The following KTN1 variants were observed in gnomAD, a reference collection of about 807,000 sequenced individuals.
KTN1 encodes kinectin 1, also known as kinectin.
KTN1 carries 130 observed loss-of-function variants against 222.5 expected under a neutral mutation model. The ratio of observed to expected loss-of-function variants is 0.58; its 90% CI spans 0.51 to 0.68. The LOEUF (loss-of-function observed/expected upper bound fraction) is 0.68. KTN1 is among the 30% of genes least tolerant of loss of function. The probability of loss-of-function intolerance (pLI) is 0.00; values close to 1 mark genes in which losing one functional copy is unlikely to be tolerated. For synonymous variants in KTN1, 512 were observed against 496.3 expected (o/e 1.03, Z -0.42); for missense variants, 1,508 against 1,500.4 (o/e 1.01, Z -0.08).
rs1566773340 is a variant in KTN1, at chr14:55,639,908, T to C, written c.1824-5T>C. On this transcript the variant is annotated splice_region_variant and splice_polypyrimidine_tract_variant and intron_variant, in intron 13 of 43. Transcript: ENST00000395314. ...TTGAATGTACAAATGTCTTTCCTTC[T>C]AAAGGATTGCAGAAAAGGATAAGCA... 2 of 1,559,930 alleles carry C rather than the reference T, an allele frequency of 1.3e-6. No homozygotes were observed.
rs1429303444 is a variant in KTN1 at position 55,655,606 on chromosome 14, TA to T, written c.2802-435del. 7.9e-5 allele frequency among the ~76,000 whole-genome samples: 12 copies of T among 152,298 alleles called. No homozygotes were observed. In the East Asian group the frequency reaches 1.4e-3, roughly 17 times the overall value. On this transcript the variant is annotated intron_variant, in intron 28 of 43. Transcript: ENST00000395314. ...GCAATTGAGATTCACTTGGGCTAGA[TA>T]GAGTAAGATTTACGTCAGCATTGGG...
chr14:55,651,945 C>T lies in KTN1; in HGVS notation c.2603+18C>T, dbSNP rs1294299281. ...CAGAACTTGTAAGTACCATTTATCT[C>T]ATTTCCTTTTACTATTTCTTTTTCA... On this transcript the variant is annotated intron_variant, in intron 25 of 43. Coordinates refer to ENST00000395314, the MANE Select transcript of KTN1 (RefSeq NM_001079521.2). 2 of 1,485,012 alleles carry T rather than the reference C, an allele frequency of 1.3e-6. No homozygotes were observed. The highest frequency in any genetic ancestry group is 2.3e-5 in the East Asian group (1 of 43,998). The allele number at this position is 1,485,012 out of a possible 1,614,324, so 92.0% of individuals were successfully genotyped here. A position where few individuals can be genotyped will look rare whatever the true frequency, so the allele number is the denominator to read the frequency against.
intron 34 of KTN1, among the ~76,000 whole-genome samples, chr14:55,670,080 A>G (rs1265140570): frequency 6.6e-6 from 1 of 152,082 alleles, no homozygotes; most frequent in African/African-American, 2.4e-5. Flanking sequence ...ACTGTAATAC[A>G]TGCATATTTA....
At chr14:55,580,658 A>G (rs2031220450) in intron 1 of KTN1, among the ~76,000 whole-genome samples, 2 of 151,182 alleles carry the variant, frequency 1.3e-5, no homozygotes, top group African/African-American at 4.9e-5. Flanking sequence ...GACACCCCCC[A>G]CCCTCCCCAA....
chr14:55,640,909 A>G (rs1410650952), intron 15 of KTN1, 24 bp from the exon 16 acceptor site: 2 of 1,606,922 alleles, frequency 1.2e-6, no homozygotes, highest in Non-Finnish European at 8.5e-7. Flanking sequence ...AAGTGATATC[A>G]TTTTCTTCTC....
chr14:55,655,330 A>G (rs1363847926), intron 28 of KTN1, among the ~76,000 whole-genome samples: 2 of 152,020 alleles, frequency 1.3e-5, no homozygotes, highest in African/African-American at 4.8e-5. Flanking sequence ...TTCCCTTTTT[A>G]TACATTTATC....
intron 1 of KTN1, among the ~76,000 whole-genome samples, chr14:55,581,436 T>C (rs2031595406): frequency 6.6e-6 from 1 of 152,106 alleles, no homozygotes; most frequent in Non-Finnish European, 1.5e-5. Context: ...TGAAGTTAAC[T>C]GTTAAGGTGT....
intron 2 of KTN1, among the ~76,000 whole-genome samples, chr14:55,614,539 T>G (rs1050434380): frequency 2.3e-4 from 35 of 152,326 alleles, no homozygotes; most frequent in African/African-American, 6.7e-4. Flanking sequence ...CCACTTCCTT[T>G]TTTTATGCCC....
chr14:55,672,889 A>C (rs1278908621), intron 38 of KTN1, 40 bp from the exon 39 acceptor site: 1 of 1,515,172 alleles, frequency 6.6e-7, no homozygotes, highest in Admixed American at 1.7e-5. Context: ...TATGAAAGGA[A>C]ATTTTAAGTG....
chr14:55,640,072 A>T lies in KTN1; in HGVS notation c.1914+69A>T. 3 of 910,838 alleles carry T rather than the reference A, an allele frequency of 3.3e-6. 1 individual carries two copies. In the South Asian group the frequency reaches 4.2e-5, roughly 13 times the overall value. 56.4% of individuals were successfully genotyped at this position (910,838 alleles called of 1,614,324 possible). On this transcript the variant is annotated intron_variant, in intron 14 of 43. Transcript: ENST00000395314. Reference sequence around the variant, plus strand: ...AAATTTAAATTACTTTGATGCACATAATCAGTAAGTGTATATGAAAAATGG... The same window carrying T: ...AAATTTAAATTACTTTGATGCACATTATCAGTAAGTGTATATGAAAAATGG...
At chr14:55,671,374 T>G (rs1471896683) in intron 35 of KTN1, 192 bp from the exon 36 acceptor site, 1 of 563,086 alleles carries the variant, frequency 1.8e-6, no homozygotes. Context: ...TATTATAACA[T>G]TGTTTAATAA....
intron 41 of KTN1, 131 bp from the exon 42 acceptor site, chr14:55,678,221 A>G: frequency 1.6e-6 from 1 of 606,644 alleles, no homozygotes. Context: ...AGCTATTTTC[A>G]TTTTGGAGGG....
chr14:55,668,612 G>A (rs12431385), intron 34 of KTN1: 7,995 of 152,150 alleles, frequency 0.053, 447 homozygotes, highest in Admixed American at 0.13. Flanking sequence ...CGTAATGTCT[G>A]CTTGTCTTCC....
At chr14:55,642,907 CTT>C (rs769637380) in intron 18 of KTN1, among the ~76,000 whole-genome samples, 2 of 143,994 alleles carry the variant, frequency 1.4e-5, no homozygotes, top group Non-Finnish European at 1.5e-5. Context: ...AAGGCTTATT[CTT>C]TTTTTTTTTT....
chr14:55,613,717 C>G (rs2037942477), intron 2 of KTN1, among the ~76,000 whole-genome samples: 1 of 152,082 alleles, frequency 6.6e-6, no homozygotes, highest in African/African-American at 2.4e-5. Context: ...GATCCGCCTG[C>G]CTTGGCCTCA....
intron 9 of KTN1, among the ~76,000 whole-genome samples, chr14:55,635,551 T>C (rs1180252117): frequency 6.6e-6 from 1 of 152,210 alleles, no homozygotes; most frequent in Non-Finnish European, 1.5e-5. Context: ...GAGTGTCACT[T>C]GGTCCAGTGA....
intron 18 of KTN1, among the ~76,000 whole-genome samples, chr14:55,642,335 A>G (rs1455680451): frequency 1.3e-5 from 2 of 152,128 alleles, no homozygotes; most frequent in Non-Finnish European, 2.9e-5. Context: ...TATCCATCTC[A>G]TCTCCATCCC....
chr14:55,592,510 C>A (rs2034323951), intron 1 of KTN1, among the ~76,000 whole-genome samples: 1 of 152,110 alleles, frequency 6.6e-6, no homozygotes, highest in African/African-American at 2.4e-5. Flanking sequence ...GATGGTGAAA[C>A]CTGAGTAGAT....
intron 29 of KTN1, among the ~76,000 whole-genome samples, chr14:55,657,797 C>T (rs1489851197): frequency 2.0e-5 from 3 of 151,854 alleles, no homozygotes; most frequent in Non-Finnish European, 4.4e-5. Context: ...GCCTGTAGTC[C>T]CAGATACTCG....
Sources: allele counts gnomAD v4.1 joint callset (sites outside exome capture counted in the v4.1 genomes callset), GRCh38; gene constraint gnomAD v4.1.1; transcripts MANE v1.5; gene names NCBI Gene and HGNC (gene_info 2026-07-23, HGNC 2026-07-21).